SCIN: variants seen among roughly 807,000 people sequenced by gnomAD.
The protein encoded by SCIN is scinderin.
SCIN carries 91 observed loss-of-function variants against 91.8 expected under a neutral mutation model. That is an observed-to-expected ratio of 0.99 (90% CI 0.84 to 1.18). The LOEUF (loss-of-function observed/expected upper bound fraction) is 1.18, where lower values mean the gene tolerates loss of function less well. Among genes scored for constraint, SCIN ranks in the 50% most tolerant of loss-of-function variants. The pLI is 0.00. For synonymous variants in SCIN, 367 were observed against 312.6 expected (o/e 1.17, Z -1.84); for missense variants, 1,087 against 863.9 (o/e 1.26, Z -3.24).
At chr7:12,647,185 G>C (rs1317203368) in intron 13 of SCIN, among the ~76,000 whole-genome samples, 1 of 152,128 alleles carries the variant, frequency 6.6e-6, no homozygotes, top group Non-Finnish European at 1.5e-5. Context: ...AAAGAAAAAA[G>C]ATCTGTTAGT....
chr7:12,588,066 A>G (rs1385296997), intron 3 of SCIN, among the ~76,000 whole-genome samples: 3 of 152,254 alleles, frequency 2.0e-5, no homozygotes, highest in African/African-American at 7.2e-5. Flanking sequence ...TGCTTATTTT[A>G]AAACTAAAGA....
At chr7:12,615,359 C>T (rs1190920929) in intron 4 of SCIN, among the ~76,000 whole-genome samples, 1 of 151,958 alleles carries the variant, frequency 6.6e-6, no homozygotes, top group African/African-American at 2.4e-5. Context: ...ATGTTGTTCT[C>T]GTGATAGTGA....
At chr7:12,606,786 T>C (rs1172441507) in intron 4 of SCIN, among the ~76,000 whole-genome samples, 1 of 152,104 alleles carries the variant, frequency 6.6e-6, no homozygotes, top group Non-Finnish European at 1.5e-5. Flanking sequence ...CATTTTATAA[T>C]CAGAAAAAAA....
In SCIN at chr7:12,577,379, C is replaced by T. The variant is rs1217063065; in HGVS notation, c.200-685C>T. 6.6e-5 allele frequency among the ~76,000 whole-genome samples: 10 copies of T among 152,248 alleles called. No individual in the cohort carries two copies. In the South Asian group the frequency reaches 1.2e-3, roughly 19 times the overall value. On this transcript the variant is annotated intron_variant, in intron 1 of 15. Coordinates refer to ENST00000297029, the MANE Select transcript of SCIN (RefSeq NM_001112706.3). ...TTAACATATTGACATATCATAAAAT[C>T]AAAGATTTATCCTAATAAAGGCTAA... is the stretch of plus-strand genomic sequence containing the variant.
chr7:12,594,676 C>T (rs981213957), intron 3 of SCIN, among the ~76,000 whole-genome samples: 2 of 151,994 alleles, frequency 1.3e-5, no homozygotes, highest in African/African-American at 2.4e-5. Flanking sequence ...GAGAGGCTCC[C>T]ATAGTGAATG....
rs189136914 is a variant in SCIN, at chr7:12,577,631, T to A, written c.200-433T>A. 227 of 456,034 alleles carry A rather than the reference T, an allele frequency of 5.0e-4. 2 individuals carry two copies. Among genetic ancestry groups the A allele is most frequent in the African/African-American group, 3.8e-3 (190 of 50,122 alleles). The allele number at this position is 456,034 out of a possible 1,614,324, so 28.2% of individuals were successfully genotyped here. ...ATTTAGGAGGCCAAAGCCAGAGGAC[T>A]GCTTGAGGCCAGGAGTTTGAGACCA... On this transcript the variant is annotated intron_variant, in intron 1 of 15. Coordinates refer to ENST00000297029, the MANE Select transcript of SCIN (RefSeq NM_001112706.3).
At chr7:12,648,981 G>A (rs1784024492) in intron 13 of SCIN, among the ~76,000 whole-genome samples, 2 of 152,164 alleles carry the variant, frequency 1.3e-5, no homozygotes, top group South Asian at 4.1e-4. Context: ...TAAGACCAGT[G>A]TATACTGACA....
intron 10 of SCIN, among the ~76,000 whole-genome samples, chr7:12,638,652 C>A (rs1427416649): frequency 6.6e-6 from 1 of 152,156 alleles, no homozygotes; most frequent in African/African-American, 2.4e-5. Context: ...GCAAGTTAGA[C>A]ACTTCAGAAC....
At position 12,652,578 on chromosome 7, in the gene SCIN, C is replaced by T. The variant is rs767841365; in HGVS notation, c.2021-10C>T. The T allele has an allele frequency of 6.2e-7, 1 of 1,611,102 alleles. No homozygotes were observed. The highest frequency in any genetic ancestry group is 1.3e-5 in the African/African-American group (1 of 74,590). On this transcript the variant is annotated splice_polypyrimidine_tract_variant and intron_variant, in intron 15 of 15. Transcript: ENST00000297029. ...TAACTGAATTTATATGTCTTTACAA[C>T]TTTTTTTAGCCAAAATGTACCTTGA...
At chr7:12,644,934 G>C (rs1221559277) in intron 13 of SCIN, among the ~76,000 whole-genome samples, 2 of 147,854 alleles carry the variant, frequency 1.4e-5, no homozygotes, top group East Asian at 4.1e-4. Flanking sequence ...AGAATCACTT[G>C]AACCCAGGAG....
Position 12,658,594 on chromosome 7 carries a change from G to C in SCIN, c.*5879G>C, listed in dbSNP as rs919016963. 2 of 152,168 alleles carry C rather than the reference G, an allele frequency of 1.3e-5. No homozygotes were observed. Among genetic ancestry groups the C allele is most frequent in the African/African-American group, 4.8e-5 (2 of 41,434 alleles). The allele number at this position is 152,168 out of a possible 1,614,324, so 9.4% of individuals were successfully genotyped here. ...AATGAAACAAGAAAGGGAGGCAACTGATGTTGTTTGATTATCTCCATTATT... is the reference window on the plus strand; with the variant it reads ...AATGAAACAAGAAAGGGAGGCAACTCATGTTGTTTGATTATCTCCATTATT... On this transcript the variant is annotated 3_prime_UTR_variant, in exon 16 of 16. Coordinates refer to ENST00000297029, the MANE Select transcript of SCIN (RefSeq NM_001112706.3).
At chr7:12,646,853 G>C (rs1783975530) in intron 13 of SCIN, among the ~76,000 whole-genome samples, 1 of 152,144 alleles carries the variant, frequency 6.6e-6, no homozygotes, top group Non-Finnish European at 1.5e-5. Context: ...AGTCTCCCTT[G>C]AAGGTTATAA....
At chr7:12,582,542 A>G (rs1782508611) in intron 3 of SCIN, among the ~76,000 whole-genome samples, 1 of 152,178 alleles carries the variant, frequency 6.6e-6, no homozygotes, top group Non-Finnish European at 1.5e-5. Flanking sequence ...TCACAATAAT[A>G]TAAATGCCCA....
intron 14 of SCIN, 97 bp downstream of exon 14, chr7:12,649,641 C>G: frequency 1.4e-6 from 1 of 727,784 alleles, no homozygotes; most frequent in Non-Finnish European, 2.3e-6. Context: ...ATAAATGAGC[C>G]TAGAGATTTA....
chr7:12,614,435 C>T (rs902581182), intron 4 of SCIN, among the ~76,000 whole-genome samples: 1 of 152,100 alleles, frequency 6.6e-6, no homozygotes, highest in Non-Finnish European at 1.5e-5. Context: ...CTCTTAAAAC[C>T]CTTACTGTGA....
chr7:12,605,005 C>G (rs1269022734), intron 4 of SCIN, among the ~76,000 whole-genome samples: 1 of 151,990 alleles, frequency 6.6e-6, no homozygotes, highest in Non-Finnish European at 1.5e-5. Context: ...ATTAATAGTT[C>G]TTTCATCTAT....
Position 12,652,837 on chromosome 7 carries a change from C to A in SCIN, c.*122C>A. 8.2e-7 allele frequency: 1 copy of A among 1,214,574 alleles called. No homozygotes were observed. The highest frequency in any genetic ancestry group is 1.1e-6 in the Non-Finnish European group (1 of 872,842). 75.2% of individuals were successfully genotyped at this position (1,214,574 alleles called of 1,614,324 possible). ...TGAAAATTAAGGCTGGGCGCGGTGG[C>A]TCACACCTGTAATCCCAGCACTTTG... On this transcript the variant is annotated 3_prime_UTR_variant, in exon 16 of 16. Transcript: ENST00000297029.
chr7:12,629,034 A>C, intron 8 of SCIN, 67 bp from the exon 9 acceptor site: 1 of 1,316,384 alleles, frequency 7.6e-7, no homozygotes, highest in Non-Finnish European at 1.0e-6. Flanking sequence ...AAATTATTTA[A>C]AGCTTATGAG....
chr7:12,645,721 A>G (rs1341663768), intron 13 of SCIN, among the ~76,000 whole-genome samples: 1 of 152,092 alleles, frequency 6.6e-6, no homozygotes, highest in African/African-American at 2.4e-5. Flanking sequence ...TTTAGGTCCC[A>G]CTTATAAGTG....
Sources: gnomAD v4.1 joint callset for allele counts (sites outside exome capture counted in the v4.1 genomes callset) on GRCh38, gnomAD v4.1.1 for gene constraint, MANE v1.5 for transcripts, NCBI Gene and HGNC (gene_info 2026-07-23, HGNC 2026-07-21) for gene names.